IMMP2L: variants seen among roughly 807,000 people sequenced by gnomAD.
IMMP2L encodes the protein inner mitochondrial membrane peptidase subunit 2.
A neutral mutation model predicts 19.3 loss-of-function variants in IMMP2L; 18 were observed. That is an observed-to-expected ratio of 0.93 (90% CI 0.64 to 1.38). The LOEUF (loss-of-function observed/expected upper bound fraction) is 1.38, where lower values mean the gene tolerates loss of function less well. IMMP2L is among the 40% of genes most tolerant of loss of function. The pLI is 0.00. For missense variants in IMMP2L, 233 were observed against 218.2 expected, an observed-to-expected ratio of 1.07 and a Z score of -0.43; for synonymous variants, 76 against 73.0, an observed-to-expected ratio of 1.04 and a Z score of -0.21.
At chr7:110,679,977 A>G (rs1270619561) in intron 5 of IMMP2L, among the ~76,000 whole-genome samples, 1 of 152,182 alleles carries the variant, frequency 6.6e-6, no homozygotes, top group East Asian at 1.9e-4. Flanking sequence ...AATTTTTGCA[A>G]TACAATTCTA....
chr7:110,783,182 T>C (rs1799855221), intron 5 of IMMP2L, among the ~76,000 whole-genome samples: 1 of 151,786 alleles, frequency 6.6e-6, no homozygotes, highest in Non-Finnish European at 1.5e-5. Context: ...ATAGGGAAAA[T>C]GATAGCATGC....
intron 3 of IMMP2L, among the ~76,000 whole-genome samples, chr7:111,000,710 G>C (rs1823576675): frequency 1.3e-5 from 2 of 152,000 alleles, no homozygotes; most frequent in African/African-American, 4.8e-5. Context: ...CTGGCGTGGT[G>C]GTGGATGCCT....
chr7:111,288,683 G>T (rs934866922), intron 3 of IMMP2L, among the ~76,000 whole-genome samples: 4 of 152,126 alleles, frequency 2.6e-5, no homozygotes, highest in Non-Finnish European at 5.9e-5. Flanking sequence ...ATCATCACTG[G>T]TCGTTAGAGA....
At chr7:111,204,551 G>C (rs748530461) in intron 3 of IMMP2L, among the ~76,000 whole-genome samples, 12 of 151,948 alleles carry the variant, frequency 7.9e-5, no homozygotes, top group Non-Finnish European at 1.3e-4. Flanking sequence ...TGATCTACCA[G>C]CTCTCTTTTC....
chr7:110,939,569 A>G (rs183559676), intron 4 of IMMP2L, among the ~76,000 whole-genome samples: 1 of 152,280 alleles, frequency 6.6e-6, no homozygotes, highest in Admixed American at 6.5e-5. Flanking sequence ...GCACTGAATG[A>G]AGCTCCCCTT....
intron 3 of IMMP2L, among the ~76,000 whole-genome samples, chr7:111,240,134 A>C (rs1814830315): frequency 6.6e-6 from 1 of 151,950 alleles, no homozygotes; most frequent in African/African-American, 2.4e-5. Context: ...AAAGGGTATC[A>C]ATAATATAGA....
intron 3 of IMMP2L, among the ~76,000 whole-genome samples, chr7:111,451,272 T>C (rs1465669933): frequency 6.7e-5 from 10 of 149,714 alleles, no homozygotes; most frequent in Admixed American, 1.3e-4. Flanking sequence ...CGTATGTTTA[T>C]TGCGGCATTA....
intron 3 of IMMP2L, among the ~76,000 whole-genome samples, chr7:111,390,055 A>G (rs745826931): frequency 1.6e-4 from 25 of 152,172 alleles, no homozygotes; most frequent in Admixed American, 8.5e-4. Context: ...TATGTAGACA[A>G]CAGTATGCAT....
chr7:111,252,750 A>G (rs144545375), intron 3 of IMMP2L, among the ~76,000 whole-genome samples: 5 of 152,298 alleles, frequency 3.3e-5, no homozygotes, highest in Middle Eastern at 3.4e-3. Flanking sequence ...TTATGCAAAC[A>G]TATCTTTTGA....
chr7:110,913,391 G>C (rs753114416), intron 4 of IMMP2L, among the ~76,000 whole-genome samples: 4 of 151,940 alleles, frequency 2.6e-5, no homozygotes, highest in Admixed American at 6.6e-5. Flanking sequence ...AAGACATTCT[G>C]CTATATAAGA....
intron 3 of IMMP2L, among the ~76,000 whole-genome samples, chr7:111,364,332 G>T (rs1829556724): frequency 6.6e-6 from 1 of 151,278 alleles, no homozygotes; most frequent in Non-Finnish European, 1.5e-5. Context: ...CTTTTATTTT[G>T]GTTTAAAAAA....
intron 3 of IMMP2L, among the ~76,000 whole-genome samples, chr7:111,272,723 C>T (rs934498592): frequency 3.3e-5 from 5 of 152,160 alleles, no homozygotes; most frequent in African/African-American, 1.2e-4. Flanking sequence ...CACAGGACAT[C>T]CCCAACCTTT....
At position 111,207,108 on chromosome 7, in the gene IMMP2L, C is replaced by G. The variant is rs368132711; in HGVS notation, c.240-243543G>C. On this transcript the variant is annotated intron_variant, in intron 3 of 5. Transcript: ENST00000405709. ...TGTACAATAGAAAATTTTCCAGAGT[C>G]TCCATTTTAAAATCAGCATTAAGAT... is the stretch of plus-strand genomic sequence containing the variant. Among the ~76,000 whole-genome samples, 20 of 152,284 alleles carry G rather than the reference C, an allele frequency of 1.3e-4. 1 individual carries two copies. The East Asian group carries it at 1.9e-3, about 15-fold the overall frequency.
intron 5 of IMMP2L, among the ~76,000 whole-genome samples, chr7:110,874,760 A>G (rs1209969207): frequency 1.3e-5 from 2 of 152,086 alleles, no homozygotes; most frequent in African/African-American, 4.8e-5. Flanking sequence ...TTGTGCTGCT[A>G]TAACAGAATG....
chr7:110,843,026 T>C (rs960451729), intron 5 of IMMP2L, among the ~76,000 whole-genome samples: 7 of 152,132 alleles, frequency 4.6e-5, no homozygotes, highest in African/African-American at 1.4e-4. Flanking sequence ...AAATCTGAGA[T>C]AAAATGCATG....
intron 3 of IMMP2L, among the ~76,000 whole-genome samples, chr7:111,115,805 C>A (rs117821499): frequency 0.01 from 1,573 of 151,988 alleles, 16 homozygotes; most frequent in Non-Finnish European, 0.018. Context: ...GTAGCTGGGA[C>A]TAGAGATGTG....
chr7:111,316,853 T>C (rs916408536), intron 3 of IMMP2L, among the ~76,000 whole-genome samples: 10 of 136,602 alleles, frequency 7.3e-5, no homozygotes, highest in Non-Finnish European at 1.3e-4. Flanking sequence ...TTCTTTTTTT[T>C]TTTTTTTTTT....
intron 3 of IMMP2L, among the ~76,000 whole-genome samples, chr7:111,304,825 A>G (rs1004794989): frequency 1.1e-4 from 16 of 152,014 alleles, no homozygotes; most frequent in Admixed American, 9.9e-4. Flanking sequence ...GAAATTTAAG[A>G]AAGTTTAAAC....
chr7:111,078,002 A>T (rs1039676494), intron 3 of IMMP2L, among the ~76,000 whole-genome samples: 1 of 152,172 alleles, frequency 6.6e-6, no homozygotes, highest in Admixed American at 6.6e-5. Flanking sequence ...TTAATACTGC[A>T]TGTTAATAAT....
Sources: gnomAD v4.1 joint callset for allele counts (sites outside exome capture counted in the v4.1 genomes callset) on GRCh38, gnomAD v4.1.1 for gene constraint, MANE v1.5 for transcripts, NCBI Gene and HGNC (gene_info 2026-07-23, HGNC 2026-07-21) for gene names.